The following TMEM9 variants were observed in gnomAD, a reference collection of about 807,000 sequenced individuals.
TMEM9 encodes the protein proton-transporting V-type ATPase complex assembly regulator TMEM9.
In TMEM9, 13 loss-of-function variants were observed where a neutral mutation model predicts 22.8. The observed-to-expected ratio is 0.57, with a 90% confidence interval of 0.37 to 0.91. The LOEUF (loss-of-function observed/expected upper bound fraction) is 0.91. TMEM9 is among the 40% of genes least tolerant of loss of function. The pLI, the probability that TMEM9 is intolerant of heterozygous loss-of-function variation, is 0.01. For synonymous variants in TMEM9, 88 were observed against 93.0 expected, an observed-to-expected ratio of 0.95 and a Z score of 0.31; for missense variants, 182 against 238.1, an observed-to-expected ratio of 0.76 and a Z score of 1.55.
chr1:201,167,748 G>T (rs1428827138), intron 1 of TMEM9, among the ~76,000 whole-genome samples: 1 of 152,158 alleles, frequency 6.6e-6, no homozygotes, highest in Non-Finnish European at 1.5e-5. Flanking sequence ...AAAATTAAGG[G>T]CAGCTTGAAG....
At chr1:201,137,354 A>C (rs999996114) in intron 4 of TMEM9, among the ~76,000 whole-genome samples, 9 of 152,208 alleles carry the variant, frequency 5.9e-5, no homozygotes, top group African/African-American at 2.2e-4. Context: ...TTATGAGGCT[A>C]TGTGTCCCTG....
At chr1:201,170,604 AC>A (rs1666187374) in intron 1 of TMEM9, among the ~76,000 whole-genome samples, 1 of 152,176 alleles carries the variant, frequency 6.6e-6, no homozygotes, top group Non-Finnish European at 1.5e-5. Context: ...GCATTCACAA[AC>A]AGATATCGGA....
chr1:201,155,328 T>C (rs1358067848), upstream of TMEM9, among the ~76,000 whole-genome samples: 1 of 118,514 alleles, frequency 8.4e-6, no homozygotes, highest in East Asian at 2.8e-4. Flanking sequence ...TTGGGATTCC[T>C]TAGGGGTGGG....
At chr1:201,165,761 G>A (rs1487785494) in intron 1 of TMEM9, among the ~76,000 whole-genome samples, 2 of 152,116 alleles carry the variant, frequency 1.3e-5, no homozygotes, top group Non-Finnish European at 2.9e-5. Context: ...TAAAGGGTGG[G>A]ACCTTGCTTA....
intron 3 of TMEM9, chr1:201,145,710 C>T (rs1664901669): frequency 6.6e-6 from 1 of 152,322 alleles, no homozygotes; most frequent in Admixed American, 6.5e-5. Context: ...CCTATAATCC[C>T]AGCACTTCGG....
At chr1:201,168,155 C>T (rs1317846700) in intron 1 of TMEM9, among the ~76,000 whole-genome samples, 1 of 152,170 alleles carries the variant, frequency 6.6e-6, no homozygotes, top group African/African-American at 2.4e-5. Flanking sequence ...ATTCACTTAT[C>T]CATTCTATTG....
At position 201,143,813 on chromosome 1, in the gene TMEM9, C is replaced by A; in HGVS notation, c.399+7G>T. On this transcript the variant is annotated splice_region_variant and intron_variant, in intron 4 of 4. Transcript: ENST00000367330. ...ACCCAGGGCCTGGGCACTCAAAGCC[C>A]TCTTACCTCATTCTCCTCCTCATTG... 1 of 1,613,918 alleles carries A rather than the reference C, an allele frequency of 6.2e-7. No homozygotes were observed. The highest frequency in any genetic ancestry group is 8.5e-7 in the Non-Finnish European group (1 of 1,179,908).
At chr1:201,170,247 C>CTCCT (rs1666178398) in intron 1 of TMEM9, among the ~76,000 whole-genome samples, 1 of 152,162 alleles carries the variant, frequency 6.6e-6, no homozygotes, top group South Asian at 2.1e-4. Context: ...CTCAAGCCTG[C>CTCCT]TCCTTGGCAG....
chr1:201,157,424 T>A (rs1096598), upstream of TMEM9, among the ~76,000 whole-genome samples: 5 of 152,190 alleles, frequency 3.3e-5, no homozygotes, highest in Non-Finnish European at 7.3e-5. Flanking sequence ...CCAGCATTCC[T>A]CCGTGCAAGC....
chr1:201,150,705 T>A (rs1006289251), intron 2 of TMEM9, among the ~76,000 whole-genome samples: 5 of 152,178 alleles, frequency 3.3e-5, no homozygotes, highest in Non-Finnish European at 7.3e-5. Flanking sequence ...TTGCTCTGGA[T>A]CAACTGCATC....
intron 2 of TMEM9, among the ~76,000 whole-genome samples, chr1:201,148,182 A>C (rs190244973): frequency 1.3e-5 from 2 of 152,362 alleles, no homozygotes; most frequent in Non-Finnish European, 2.9e-5. Context: ...ATCTAAAAAC[A>C]GGGAAAGAGG....
chr1:201,160,074 A>G (rs1371340272), intron 1 of TMEM9, among the ~76,000 whole-genome samples: 2 of 152,208 alleles, frequency 1.3e-5, no homozygotes, highest in African/African-American at 4.8e-5. Context: ...TAACTTCATC[A>G]AATATCTTGG....
chr1:201,155,485 C>T (rs1665761314), upstream of TMEM9, among the ~76,000 whole-genome samples: 1 of 152,222 alleles, frequency 6.6e-6, no homozygotes, highest in Admixed American at 6.5e-5. Flanking sequence ...TTCCTCTCTC[C>T]TATGCTTATG....
intron 2 of TMEM9, among the ~76,000 whole-genome samples, chr1:201,149,028 TAGA>T (rs1193997267): frequency 1.3e-5 from 2 of 152,238 alleles, no homozygotes; most frequent in African/African-American, 2.4e-5. Context: ...GTCCTGGGTC[TAGA>T]AGGTCATACC....
chr1:201,169,171 A>G (rs566534999), intron 1 of TMEM9, among the ~76,000 whole-genome samples: 2 of 152,276 alleles, frequency 1.3e-5, no homozygotes, highest in African/African-American at 2.4e-5. Context: ...AGGAGGGTAC[A>G]GGAGCAGGGA....
At position 201,143,870 on chromosome 1, in the gene TMEM9, G is replaced by A. The variant is rs1207962778; in HGVS notation, c.349C>T (p.Arg117Ter). Residue 117 changes from arginine to a stop codon, truncating the protein, a stop_gained, in exon 4 of 5, where the codon CGA (arginine) becomes TGA (stop). Transcript: ENST00000367330. LOFTEE classifies it high-confidence loss of function. ...AFLMLVDPLI[R>*]KPDAYTEQLH... The stretch of plus-strand genomic sequence containing the variant: ...TGCTCAGTATATGCATCCGGCTTTC[G>A]GATCAGAGGGTCCACCAGCATCAGG... 1.9e-6 allele frequency: 3 copies of A among 1,614,028 alleles called. No homozygotes were observed. The South Asian group carries it at 3.3e-5, about 18-fold the overall frequency.
chr1:201,159,396 G>A (rs535823206), upstream of TMEM9, among the ~76,000 whole-genome samples: 40 of 152,198 alleles, frequency 2.6e-4, no homozygotes, highest in African/African-American at 8.9e-4. Flanking sequence ...GGCAGAGAGC[G>A]CCCTGCTGTG....
chr1:201,158,405 A>T (rs886603887), upstream of TMEM9, among the ~76,000 whole-genome samples: 1 of 29,430 alleles, frequency 3.4e-5, no homozygotes, highest in Non-Finnish European at 6.4e-5. Flanking sequence ...ATTCAAGAGC[A>T]GGGTGATGGT....
chr1:201,138,776 A>G (rs1025609765), intron 4 of TMEM9, among the ~76,000 whole-genome samples: 6 of 152,222 alleles, frequency 3.9e-5, no homozygotes, highest in African/African-American at 9.7e-5. Context: ...GAGGCTCTGA[A>G]AGATGAATCA....
Sources: allele counts gnomAD v4.1 joint callset (sites outside exome capture counted in the v4.1 genomes callset), GRCh38; gene constraint gnomAD v4.1.1; transcripts MANE v1.5; gene names NCBI Gene and HGNC (gene_info 2026-07-23, HGNC 2026-07-21).